Variants in DLGAP2 observed in about 807,000 individuals in gnomAD.
DLGAP2 encodes the protein disks large-associated protein 2.
A neutral mutation model predicts 100.3 loss-of-function variants in DLGAP2; 26 were observed. The ratio of observed to expected loss-of-function variants is 0.26; its 90% CI spans 0.19 to 0.36. The LOEUF (loss-of-function observed/expected upper bound fraction) is 0.36, where lower values mean the gene tolerates loss of function less well. Ranked by LOEUF, DLGAP2 falls within the 10% of genes least tolerant of loss-of-function variation. The pLI is 1.00. For missense variants in DLGAP2, 1,858 were observed against 1,453.2 expected (o/e 1.28, Z -4.53); for synonymous variants, 886 against 630.1 (o/e 1.41, Z -6.08).
chr8:1,457,975 C>CATATACATATATAT lies in DLGAP2; in HGVS notation c.107-43386_107-43385insCATATATATATATA, dbSNP rs1203151608. On this transcript the variant is annotated intron_variant, in intron 3 of 14. Coordinates refer to ENST00000637795, the MANE Select transcript of DLGAP2 (RefSeq NM_001346810.2). ...CTGTCAATTGTCTCTGTTCTCTGAT[C>CATATACATATATAT]ATATATATATATATATATATATATA... is the stretch of plus-strand genomic sequence containing the variant. 3.7e-5 allele frequency among the ~76,000 whole-genome samples: 4 copies of CATATACATATATAT among 107,738 alleles called. No homozygotes were observed. The East Asian group carries it at 7.1e-4, about 19-fold the overall frequency. 70.7% of individuals were successfully genotyped at this position (107,738 alleles called of 152,430 possible).
chr8:852,395 T>C (rs1304230721), intron 1 of DLGAP2, among the ~76,000 whole-genome samples: 1 of 152,230 alleles, frequency 6.6e-6, no homozygotes. Flanking sequence ...GTTTTCCAGA[T>C]GGAAGAAAGA....
At chr8:1,302,646 C>T (rs1467042297) in intron 3 of DLGAP2, 1 of 152,284 alleles carries the variant, frequency 6.6e-6, no homozygotes, top group Non-Finnish European at 1.5e-5. Flanking sequence ...CGGGACTGGA[C>T]TCAGCATTTT....
At chr8:1,123,263 G>C (rs1260278088) in intron 2 of DLGAP2, among the ~76,000 whole-genome samples, 1 of 152,100 alleles carries the variant, frequency 6.6e-6, no homozygotes, top group East Asian at 1.9e-4. Flanking sequence ...AAAGAATAAT[G>C]AAAAATGTTT....
intron 3 of DLGAP2, among the ~76,000 whole-genome samples, chr8:1,418,127 A>C (rs1244049015): frequency 1.3e-5 from 2 of 152,246 alleles, no homozygotes; most frequent in African/African-American, 2.4e-5. Flanking sequence ...ATCTCCAGCC[A>C]TACAGTGTGG....
chr8:956,371 A>C (rs753714313), intron 2 of DLGAP2, among the ~76,000 whole-genome samples: 4 of 152,302 alleles, frequency 2.6e-5, no homozygotes, highest in South Asian at 4.1e-4. Flanking sequence ...TTGGTGCATG[A>C]ACGGTATTGA....
chr8:792,308 C>G (rs558761338), intron 1 of DLGAP2, among the ~76,000 whole-genome samples: 2 of 152,186 alleles, frequency 1.3e-5, no homozygotes, highest in South Asian at 4.1e-4. Context: ...AATGACAACC[C>G]AGGATTTTCT....
chr8:860,990 C>T (rs1797378057), intron 1 of DLGAP2, among the ~76,000 whole-genome samples: 1 of 152,116 alleles, frequency 6.6e-6, no homozygotes, highest in Non-Finnish European at 1.5e-5. Flanking sequence ...ATATTCCATA[C>T]ATGGGGGCCA....
At chr8:1,695,976 G>A (rs912538435) in intron 13 of DLGAP2, among the ~76,000 whole-genome samples, 2 of 152,258 alleles carry the variant, frequency 1.3e-5, no homozygotes. Flanking sequence ...TGTGGCTGCA[G>A]AGAAGAATGG....
chr8:1,573,877 C>A (rs1802857548), intron 6 of DLGAP2, among the ~76,000 whole-genome samples: 2 of 152,184 alleles, frequency 1.3e-5, no homozygotes, highest in Admixed American at 1.3e-4. Flanking sequence ...AAGGTGTGAG[C>A]TGACCCCTTA....
At chr8:1,251,740 G>A (rs894022971) in intron 2 of DLGAP2, among the ~76,000 whole-genome samples, 4 of 152,234 alleles carry the variant, frequency 2.6e-5, no homozygotes, top group African/African-American at 9.6e-5. Context: ...TTGTCATATA[G>A]TCATTGTCGT....
intron 1 of DLGAP2, among the ~76,000 whole-genome samples, chr8:850,713 A>G (rs1312765954): frequency 6.6e-6 from 1 of 152,222 alleles, no homozygotes; most frequent in African/African-American, 2.4e-5. Flanking sequence ...TTATAATAGC[A>G]TGAAATTTTA....
chr8:1,474,839 T>G, intron 3 of DLGAP2, among the ~76,000 whole-genome samples: 2 of 152,214 alleles, frequency 1.3e-5, no homozygotes, highest in East Asian at 3.9e-4. Flanking sequence ...CTCAAAGAAC[T>G]GAGAGTTGAA....
At chr8:1,476,540 C>A (rs1317062714) in intron 3 of DLGAP2, among the ~76,000 whole-genome samples, 3 of 152,168 alleles carry the variant, frequency 2.0e-5, no homozygotes, top group African/African-American at 4.8e-5. Context: ...CATCACACAC[C>A]TCCTCATGGT....
intron 3 of DLGAP2, chr8:1,378,068 G>A (rs147853857): frequency 1.3e-5 from 2 of 155,990 alleles, no homozygotes; most frequent in African/African-American, 4.8e-5. Flanking sequence ...TACTCCTGCT[G>A]AAGTGACCCG....
intron 1 of DLGAP2, among the ~76,000 whole-genome samples, chr8:750,902 C>T (rs916475667): frequency 7.9e-5 from 12 of 152,210 alleles, no homozygotes; most frequent in Non-Finnish European, 1.5e-5. Context: ...AGACCTGTTC[C>T]GAAATATTTG....
intron 8 of DLGAP2, among the ~76,000 whole-genome samples, chr8:1,649,160 T>A (rs1428187728): frequency 1.3e-5 from 2 of 152,198 alleles, no homozygotes; most frequent in African/African-American, 2.4e-5. Flanking sequence ...GCTTAAGATG[T>A]CCAAAAGCCA....
Position 1,089,154 on chromosome 8 carries a change from C to T in DLGAP2, c.74-169697C>T, listed in dbSNP as rs371105035. Among the ~76,000 whole-genome samples the T allele has an allele frequency of 1.1e-4, 15 of 138,432 alleles. 1 individual carries two copies. In the East Asian group the frequency reaches 2.1e-3, roughly 19 times the overall value. The allele number at this position is 138,432 out of a possible 152,430, so 90.8% of individuals were successfully genotyped here. On this transcript the variant is annotated intron_variant, in intron 2 of 14. Coordinates refer to ENST00000637795, the MANE Select transcript of DLGAP2 (RefSeq NM_001346810.2). ...CTCATCCAGCAGGCTATGCAATTCT[C>T]GCTCCCCGGCCTCACTCTCTCCACC...
At chr8:1,105,978 G>A (rs1386818168) in intron 2 of DLGAP2, among the ~76,000 whole-genome samples, 5 of 148,792 alleles carry the variant, frequency 3.4e-5, no homozygotes, top group Non-Finnish European at 7.4e-5. Flanking sequence ...GTTTTCTATT[G>A]AAGGAGGCCA....
chr8:1,451,627 C>T (rs1010765974), intron 3 of DLGAP2, among the ~76,000 whole-genome samples: 11 of 152,162 alleles, frequency 7.2e-5, no homozygotes, highest in Non-Finnish European at 1.0e-4. Context: ...CCCTCCGCCT[C>T]TGTTGCCGGC....
Sources: allele counts gnomAD v4.1 joint callset (sites outside exome capture counted in the v4.1 genomes callset), GRCh38; gene constraint gnomAD v4.1.1; transcripts MANE v1.5; gene names NCBI Gene and HGNC (gene_info 2026-07-23, HGNC 2026-07-21).